The following TTN variants were observed in gnomAD, a reference collection of about 807,000 sequenced individuals.
TTN encodes the protein connectin.
A neutral mutation model predicts 3,223.0 loss-of-function variants in TTN; 1,525 were observed. That is an observed-to-expected ratio of 0.47 (90% CI 0.45 to 0.49). The LOEUF (loss-of-function observed/expected upper bound fraction) is 0.49. Ranked by LOEUF, TTN falls within the 20% of genes least tolerant of loss-of-function variation. The pLI, the probability that TTN is intolerant of heterozygous loss-of-function variation, is 0.00. For missense variants in TTN, 40,786 were observed against 43,424.0 expected, an observed-to-expected ratio of 0.94 and a Z score of 5.40; for synonymous variants, 14,094 against 15,161.0, an observed-to-expected ratio of 0.93 and a Z score of 5.17.
chr2:178,592,163 A>G lies in TTN; in HGVS notation c.59741T>C (p.Val19914Ala). The G allele has an allele frequency of 6.2e-7, 1 of 1,612,916 alleles. No individual in the cohort carries two copies. Among genetic ancestry groups the G allele is most frequent in the Non-Finnish European group, 8.5e-7 (1 of 1,179,472 alleles). Residue 19914 changes from valine (V) to alanine (A), a missense_variant, in exon 302 of 363, where the codon GTT becomes GCT. Transcript: ENST00000589042. ...GGCGCTGGCAACATCTCTCCTCTCA[A>G]CCACATAATTGGTAATAACAGAACC... ...DGGSVITNYV[V>A]ERRDVASAQW...
Position 178,786,245 on chromosome 2 carries a change from T to C in TTN, c.2077-104A>G, listed in dbSNP as rs908395211. 7.9e-5 allele frequency: 94 copies of C among 1,194,530 alleles called. No individual in the cohort carries two copies. The Admixed American group carries it at 1.8e-3, about 23-fold the overall frequency. 74.0% of individuals were successfully genotyped at this position (1,194,530 alleles called of 1,614,324 possible). ...AGATGGCGTCCACATTATACAGCAGTGTTAACGTGTCTAGAAATGTATCTC... is the reference window on the plus strand; with the variant it reads ...AGATGGCGTCCACATTATACAGCAGCGTTAACGTGTCTAGAAATGTATCTC... On this transcript the variant is annotated intron_variant, in intron 13 of 362. Coordinates refer to ENST00000589042, the MANE Select transcript of TTN (RefSeq NM_001267550.2).
Position 178,679,603 on chromosome 2 carries a change from T to G in TTN, c.33660A>C (p.Ala11220=), listed in dbSNP as rs764664976. ...CGTCAATGAATGGTGGTGTACCTTT[T>G]GCCGGTGGAGCTTCCTTCTTCTTGG... is the stretch of plus-strand genomic sequence containing the variant. ...PVPKKKEAPP[A]KVPEVPKKPE... The change falls in exon 141 of 363, where the codon GCA becomes GCC. Residue 11220 remains alanine (A), a synonymous_variant. Transcript: ENST00000589042. 5.0e-6 allele frequency: 8 copies of G among 1,610,370 alleles called. No homozygotes were observed. In the Admixed American group the frequency reaches 1.4e-4, roughly 27 times the overall value.
Position 178,563,418 on chromosome 2 carries a change from C to G in TTN, c.82714G>C (p.Gly27572Arg). 4 of 1,613,572 alleles carry G rather than the reference C, an allele frequency of 2.5e-6. No homozygotes were observed. The highest frequency in any genetic ancestry group is 2.5e-6 in the Non-Finnish European group (3 of 1,179,730). The change falls in exon 326 of 363, where the codon GGT becomes CGT. Residue 27572 changes from glycine (G) to arginine (R), a missense_variant. By Grantham distance (125) the Gly-to-Arg change is moderately radical. Coordinates refer to ENST00000589042, the MANE Select transcript of TTN (RefSeq NM_001267550.2). This position sits in a 1 kb window ranked among gnomAD's most constrained non-coding sequence, Gnocchi z 4.5. ...GTCACTTTTGGATTGCTTGGGGGAC[C>G]TGGTGGATACAAGGCATCACACGCA... ...YRACDALYPP[G>R]PPSNPKVTDT...
At position 178,630,324 on chromosome 2, in the gene TTN, A is replaced by G; in HGVS notation, c.44198T>C (p.Leu14733Ser). 6.2e-7 allele frequency: 1 copy of G among 1,612,718 alleles called. No homozygotes were observed. The highest frequency in any genetic ancestry group is 8.5e-7 in the Non-Finnish European group (1 of 1,179,344). Reference sequence around the variant, plus strand: ...CGTCTGGTCCAGGCGACAGTTGTGCAAAACAAGGGAGTGTATTTTGCCTTC... The same window carrying G: ...CGTCTGGTCCAGGCGACAGTTGTGCGAAACAAGGGAGTGTATTTTGCCTTC... ...KEEGKIHSLV[L>S]HNCRLDQTGG... Residue 14733 changes from leucine to serine, a missense_variant, in exon 239 of 363, where the codon TTG becomes TCG. Physicochemically the swap from Leu to Ser is moderately radical, Grantham distance 145 (BLOSUM62 -2). Transcript: ENST00000589042.
At chr2:178,693,721 T>A in intron 118 of TTN, 32 bp from the exon 119 acceptor site, 1 of 1,488,368 alleles carries the variant, frequency 6.7e-7, no homozygotes, top group Non-Finnish European at 9.2e-7. Flanking sequence ...ATTACTGATA[T>A]GCCATGTTGT....
At position 178,733,248 on chromosome 2, in the gene TTN, T is replaced by A; in HGVS notation, c.16045A>T (p.Thr5349Ser). 6.3e-7 allele frequency: 1 copy of A among 1,599,038 alleles called. No homozygotes were observed. The highest frequency in any genetic ancestry group is 8.5e-7 in the Non-Finnish European group (1 of 1,172,354). ...TTCTAAAAATACTAACCTAATACAG[T>A]GAATGTAGTCTCACAGGAGCTGCTG... ...VGSSSCETTF[T>S]VLDRDIAPFF... is the part of the protein sequence containing the mutation. The change falls in exon 54 of 363, where the codon ACT becomes TCT. Residue 5349 changes from threonine to serine, a missense_variant. Transcript: ENST00000589042.
chr2:178,799,181 T>C, intron 6 of TTN: 1 of 386,568 alleles, frequency 2.6e-6, no homozygotes, highest in Non-Finnish European at 4.9e-6. Context: ...GGACAAACAC[T>C]CCTGCCTTCC....
At position 178,584,708 on chromosome 2, in the gene TTN, G is replaced by A. The variant is rs1553632774; in HGVS notation, c.64933C>T (p.Pro21645Ser). ...RAENRFGISE[P>S]LTSPKMVAQF... ...GCAACCATCTTTGGAGATGTGAGAG[G>A]CTCTGAAATGCCAAATCGGTTTTCA... Residue 21645 changes from proline (P) to serine (S), a missense_variant, in exon 310 of 363, where the codon CCT (proline) becomes TCT (serine). Pro to Ser is a moderately conservative substitution (Grantham distance 74, BLOSUM62 -1). Transcript: ENST00000589042. 2 of 1,613,274 alleles carry A rather than the reference G, an allele frequency of 1.2e-6. No individual in the cohort carries two copies. The highest frequency in any genetic ancestry group is 8.5e-7 in the Non-Finnish European group (1 of 1,179,558).
intron 99 of TTN, among the ~76,000 whole-genome samples, chr2:178,708,215 G>A (rs1000860515): frequency 6.6e-5 from 10 of 152,090 alleles, no homozygotes; most frequent in Admixed American, 1.3e-4. Flanking sequence ...TATCTCCAGC[G>A]GCAATGATTG....
In TTN at chr2:178,611,024, T is replaced by G; in HGVS notation, c.51105A>C (p.Ser17035=). The G allele has an allele frequency of 6.2e-7, 1 of 1,612,624 alleles. No homozygotes were observed. The highest frequency in any genetic ancestry group is 8.5e-7 in the Non-Finnish European group (1 of 1,179,076). The part of the protein sequence containing the change: ...YTITLENKLG[S]ATASINVKVI... ...CTTTGACATTGATTGAGGCTGTTGCTGAGCCGAGCTTATTCTCCAGTGTAA... is the reference window on the plus strand; with the variant it reads ...CTTTGACATTGATTGAGGCTGTTGCGGAGCCGAGCTTATTCTCCAGTGTAA... The change falls in exon 270 of 363, where the codon TCA becomes TCC. Residue 17035 remains serine, a synonymous_variant. Coordinates refer to ENST00000589042, the MANE Select transcript of TTN (RefSeq NM_001267550.2).
chr2:178,550,022 C>G lies in TTN; in HGVS notation c.91816G>C (p.Gly30606Arg). The change falls in exon 337 of 363, where the codon GGT becomes CGT. Residue 30606 changes from glycine (G) to arginine (R), a missense_variant. By Grantham distance (125) the Gly-to-Arg change is moderately radical. Coordinates refer to ENST00000589042, the MANE Select transcript of TTN (RefSeq NM_001267550.2). ...VYTVEAKNASGSAKAEIKVKV... is the reference protein window; with the variant it reads ...VYTVEAKNASRSAKAEIKVKV... Reference sequence around the variant, plus strand: ...ACTTTAATTTCTGCTTTTGCAGAACCAGATGCATTTTTGGCTTCCACTGTG... The same window carrying G: ...ACTTTAATTTCTGCTTTTGCAGAACGAGATGCATTTTTGGCTTCCACTGTG... 1 of 1,610,992 alleles carries G rather than the reference C, an allele frequency of 6.2e-7. No individual in the cohort carries two copies. The highest frequency in any genetic ancestry group is 1.1e-5 in the South Asian group (1 of 90,798).
chr2:178,771,217 C>A lies in TTN; in HGVS notation c.8110G>T (p.Val2704Phe). 1 of 1,613,980 alleles carries A rather than the reference C, an allele frequency of 6.2e-7. No individual in the cohort carries two copies. The change falls in exon 34 of 363, where the codon GTT becomes TTT. Residue 2704 changes from valine (V) to phenylalanine (F), a missense_variant. Transcript: ENST00000589042. ...ATSKTSAKLK[V>F]EAVKIKKTLK... is the part of the protein sequence containing the mutation. Reference sequence around the variant, plus strand: ...CAAATCCTATGTTACTTGCCTTCAACTTTGAGTTTGGCAGATGTTTTGGAG... The same window carrying A: ...CAAATCCTATGTTACTTGCCTTCAAATTTGAGTTTGGCAGATGTTTTGGAG...
chr2:178,594,789 T>C, intron 295 of TTN, 143 bp from the exon 296 acceptor site: 1 of 631,970 alleles, frequency 1.6e-6, no homozygotes, highest in Non-Finnish European at 2.5e-6. Context: ...GATCTCATCA[T>C]AAAACTATTA....
In TTN at chr2:178,785,937, G is replaced by C. The variant is rs2093144334; in HGVS notation, c.2281C>G (p.Pro761Ala). 6.2e-7 allele frequency: 1 copy of C among 1,614,072 alleles called. No homozygotes were observed. The highest frequency in any genetic ancestry group is 2.2e-5 in the East Asian group (1 of 44,868). ...QRPASEPHVV[P>A]KAVKPRVIQA... ...ATTACTCTAGGCTTGACTGCTTTAG[G>C]GACAACGTGGGGTTCTGAGGCTGGA... Residue 761 changes from proline to alanine, a missense_variant, in exon 14 of 363, where the codon CCT (proline) becomes GCT (alanine). Coordinates refer to ENST00000589042, the MANE Select transcript of TTN (RefSeq NM_001267550.2).
chr2:178,640,583 T>C lies in TTN; in HGVS notation c.40681A>G (p.Thr13561Ala). 1 of 1,600,082 alleles carries C rather than the reference T, an allele frequency of 6.2e-7. No individual in the cohort carries two copies. Among genetic ancestry groups the C allele is most frequent in the Non-Finnish European group, 8.5e-7 (1 of 1,174,696 alleles). Reference sequence around the variant, plus strand: ...ATCTTCCTTTCCCTTTTTGTAACAGTAGGTACTTCAACCTCTTCAACAGGT... The same window carrying C: ...ATCTTCCTTTCCCTTTTTGTAACAGCAGGTACTTCAACCTCTTCAACAGGT... ...PKPVEEVEVP[T>A]VTKRERKIPE... Residue 13561 changes from threonine (T) to alanine (A), a missense_variant, in exon 221 of 363, where the codon ACT becomes GCT. Coordinates refer to ENST00000589042, the MANE Select transcript of TTN (RefSeq NM_001267550.2).
chr2:178,640,286 T>C (rs1471918521), intron 221 of TTN, among the ~76,000 whole-genome samples, 176 bp from the exon 222 acceptor site: 2 of 152,038 alleles, frequency 1.3e-5, no homozygotes, highest in Non-Finnish European at 2.9e-5. Flanking sequence ...GAAAATATAG[T>C]AAGGCAATGT....
rs1336560103 is a variant in TTN at position 178,647,111 on chromosome 2, T to A, written c.40175A>T (p.Glu13392Val). Residue 13392 changes from glutamate (E) to valine (V), a missense_variant, in exon 215 of 363, where the codon GAA becomes GTA. By Grantham distance (121) the Glu-to-Val change is moderately radical. Coordinates refer to ENST00000589042, the MANE Select transcript of TTN (RefSeq NM_001267550.2). ...TCTACCAATGGTTATAGATGCTTTT[T>A]CTTCATATATTATTTCCTCAGGAGT... ...EETPEEIIYE[E>V]KASITIGRKE... 2.1e-6 allele frequency: 3 copies of A among 1,432,938 alleles called. No individual in the cohort carries two copies. Among genetic ancestry groups the A allele is most frequent in the Non-Finnish European group, 2.8e-6 (3 of 1,087,092 alleles). The allele number at this position is 1,432,938 out of a possible 1,614,324, so 88.8% of individuals were successfully genotyped here. A position where few individuals can be genotyped will look rare whatever the true frequency, so the allele number is the denominator to read the frequency against.
At chr2:178,737,927 C>T in intron 49 of TTN, 155 bp downstream of exon 49, 2 of 785,088 alleles carry the variant, frequency 2.5e-6, no homozygotes, top group South Asian at 2.2e-5. Context: ...TTTCTTATCC[C>T]ATATAGGCTC....
At chr2:178,613,960 A>G in intron 262 of TTN, 23 bp from the exon 263 acceptor site, 1 of 1,607,074 alleles carries the variant, frequency 6.2e-7, no homozygotes, top group South Asian at 1.1e-5. Flanking sequence ...TAATGGTGTA[A>G]AATGTTATAT....
Sources: allele counts gnomAD v4.1 joint callset (sites outside exome capture counted in the v4.1 genomes callset), GRCh38; gene constraint gnomAD v4.1.1; non-coding constraint Gnocchi (gnomAD v3.1); transcripts MANE v1.5; gene names NCBI Gene and HGNC (gene_info 2026-07-23, HGNC 2026-07-21).